Variants in SMIM35 observed in about 807,000 individuals in gnomAD.
SMIM35 encodes small integral membrane protein 35.
At chr11:118,068,812 C>T (rs117521948) in intron 1 of SMIM35, among the ~76,000 whole-genome samples, 2 of 152,334 alleles carry the variant, frequency 1.3e-5, no homozygotes, top group Non-Finnish European at 2.9e-5. Flanking sequence ...CATTCTCGGC[C>T]ACCCCACAGA....
chr11:118,068,498 G>A (rs957081402), intron 1 of SMIM35, among the ~76,000 whole-genome samples: 1 of 152,198 alleles, frequency 6.6e-6, no homozygotes, highest in Non-Finnish European at 1.5e-5. Flanking sequence ...GTAAACGTTG[G>A]ATGAAGGAGA....
intron 1 of SMIM35, among the ~76,000 whole-genome samples, chr11:118,081,328 G>A (rs934544399): frequency 6.6e-6 from 1 of 152,334 alleles, no homozygotes; most frequent in African/African-American, 2.4e-5. Context: ...TGGTGATAGG[G>A]AAGGGGAAGA....
intron 1 of SMIM35, among the ~76,000 whole-genome samples, chr11:118,042,068 A>AAAGAGAGAGAG (rs1555073518): frequency 8.5e-6 from 1 of 117,860 alleles, no homozygotes; most frequent in African/African-American, 3.3e-5. Context: ...AAAAAAAAAA[A>AAAGAGAGAGAG]AGAGAGAGAG....
intron 1 of SMIM35, among the ~76,000 whole-genome samples, chr11:118,026,614 C>T (rs11216708): frequency 0.1 from 15,687 of 152,010 alleles, 1,111 homozygotes; most frequent in East Asian, 0.37. Flanking sequence ...GGCACATGAA[C>T]CCTTACCTAG....
intron 1 of SMIM35, among the ~76,000 whole-genome samples, chr11:118,050,716 G>C (rs372679422): frequency 1.3e-5 from 2 of 152,184 alleles, no homozygotes; most frequent in East Asian, 1.9e-4. Context: ...GGATAAATCA[G>C]GGTTGCTTTG....
At chr11:118,068,511 C>G (rs2135136133) in intron 1 of SMIM35, among the ~76,000 whole-genome samples, 1 of 152,272 alleles carries the variant, frequency 6.6e-6, no homozygotes, top group African/African-American at 2.4e-5. Context: ...GAAGGAGAGG[C>G]TTTTACAGAG....
At chr11:118,060,587 C>T (rs1343759238) in intron 1 of SMIM35, among the ~76,000 whole-genome samples, 1 of 152,154 alleles carries the variant, frequency 6.6e-6, no homozygotes, top group Non-Finnish European at 1.5e-5. Context: ...GGGAGACTGT[C>T]CTTGGCCGCC....
At chr11:118,065,989 C>A (rs181284851) in intron 1 of SMIM35, among the ~76,000 whole-genome samples, 38 of 152,226 alleles carry the variant, frequency 2.5e-4, no homozygotes, top group African/African-American at 8.4e-4. Context: ...ATTTACTCAT[C>A]ATGACCATGA....
Position 118,022,615 on chromosome 11 carries a change from C to A in SMIM35, c.8-6806G>T, listed in dbSNP as rs189161183. 5.9e-5 allele frequency among the ~76,000 whole-genome samples: 9 copies of A among 152,236 alleles called. No individual in the cohort carries two copies. In the East Asian group the frequency reaches 1.7e-3, roughly 30 times the overall value. ...TGTAAGTTGAGGAGACAGTCCAAGG[C>A]AGCTAAAGTTCACAAGACAGAGGAA... On this transcript the variant is annotated intron_variant, in intron 1 of 4. Coordinates refer to ENST00000689828, the MANE Select transcript of SMIM35 (RefSeq NM_001394165.1).
At chr11:118,049,619 G>A (rs1279236537) in intron 1 of SMIM35, among the ~76,000 whole-genome samples, 3 of 152,156 alleles carry the variant, frequency 2.0e-5, no homozygotes, top group South Asian at 2.1e-4. Context: ...AAAGTGCTGG[G>A]ATTACAGGCA....
At chr11:118,076,099 C>T (rs1944677073) in intron 1 of SMIM35, among the ~76,000 whole-genome samples, 1 of 152,174 alleles carries the variant, frequency 6.6e-6, no homozygotes, top group African/African-American at 2.4e-5. Flanking sequence ...AAAACCCCAT[C>T]TCTACTAAAA....
chr11:118,083,208 C>G (rs140819098), intron 1 of SMIM35, among the ~76,000 whole-genome samples: 381 of 152,348 alleles, frequency 2.5e-3, no homozygotes, highest in African/African-American at 8.8e-3. Context: ...ACAATCTTTC[C>G]TTTGCCAGGA....
At chr11:118,064,315 A>G (rs1187284532) in intron 1 of SMIM35, among the ~76,000 whole-genome samples, 1 of 152,174 alleles carries the variant, frequency 6.6e-6, no homozygotes, top group African/African-American at 2.4e-5. Context: ...TAAATGGGAG[A>G]TCAGATAGGC....
chr11:118,057,008 G>A (rs764426881), intron 1 of SMIM35, among the ~76,000 whole-genome samples: 3 of 152,140 alleles, frequency 2.0e-5, no homozygotes, highest in Admixed American at 6.5e-5. Flanking sequence ...AAGGTTGGCC[G>A]CTCACTCCCC....
At chr11:118,016,900 T>C (rs911120970) in intron 1 of SMIM35, among the ~76,000 whole-genome samples, 2 of 152,218 alleles carry the variant, frequency 1.3e-5, no homozygotes, top group African/African-American at 4.8e-5. Context: ...GGTGCAACTG[T>C]ATTTTTTAAG....
At chr11:118,077,096 G>C in intron 1 of SMIM35, 2 of 553,894 alleles carry the variant, frequency 3.6e-6, no homozygotes, top group South Asian at 4.7e-5. Context: ...AATACACAGA[G>C]AGAGGCAGCA....
intron 1 of SMIM35, among the ~76,000 whole-genome samples, chr11:118,057,355 C>T (rs992001501): frequency 6.6e-6 from 1 of 152,088 alleles, no homozygotes; most frequent in African/African-American, 2.4e-5. Context: ...TTCCTCTGTG[C>T]AGTAGGAGGT....
At chr11:118,019,124 T>A (rs960858012) in intron 1 of SMIM35, among the ~76,000 whole-genome samples, 1 of 152,220 alleles carries the variant, frequency 6.6e-6, no homozygotes, top group Non-Finnish European at 1.5e-5. Flanking sequence ...TATATCTATG[T>A]AGATATAGAG....
At chr11:118,040,175 C>T (rs1411618243) in intron 1 of SMIM35, among the ~76,000 whole-genome samples, 1 of 151,992 alleles carries the variant, frequency 6.6e-6, no homozygotes. Flanking sequence ...GAGATCATGC[C>T]ACTGCACTGC....
Sources: allele counts gnomAD v4.1 joint callset (sites outside exome capture counted in the v4.1 genomes callset), GRCh38; gene constraint gnomAD v4.1.1; transcripts MANE v1.5; gene names NCBI Gene and HGNC (gene_info 2026-07-23, HGNC 2026-07-21).